The following ROR2 variants were observed in gnomAD, a reference collection of about 807,000 sequenced individuals.
The protein encoded by ROR2 is tyrosine-protein kinase transmembrane receptor ROR2.
A neutral mutation model predicts 74.9 loss-of-function variants in ROR2; 33 were observed. The observed-to-expected ratio is 0.44, with a 90% CI of 0.33 to 0.59. ROR2 has a LOEUF of 0.59. Among genes scored for constraint, ROR2 ranks in the 20% least tolerant of loss-of-function variants. ROR2 has a pLI of 0.02. For missense variants in ROR2, 1,216 were observed against 1,313.8 expected, an observed-to-expected ratio of 0.93 and a Z score of 1.15; for synonymous variants, 586 against 558.7, an observed-to-expected ratio of 1.05 and a Z score of -0.69.
chr9:91,758,466 C>A (rs1825824551), intron 2 of ROR2, among the ~76,000 whole-genome samples: 1 of 152,132 alleles, frequency 6.6e-6, no homozygotes, highest in Non-Finnish European at 1.5e-5. Context: ...CATGGACATC[C>A]CCAAACCAAG....
intron 1 of ROR2, among the ~76,000 whole-genome samples, chr9:91,927,968 A>C (rs905904563): frequency 6.6e-6 from 1 of 152,096 alleles, no homozygotes; most frequent in African/African-American, 2.4e-5. Context: ...TTGTGGCCCC[A>C]CTAGCTAGAG....
chr9:91,948,812 T>C (rs551022583), intron 1 of ROR2: 38 of 985,378 alleles, frequency 3.9e-5, no homozygotes, highest in South Asian at 4.7e-5. Context: ...CATAGGTCTC[T>C]GGCGCTCCTG....
intron 4 of ROR2, among the ~76,000 whole-genome samples, chr9:91,753,778 C>T (rs1825659889): frequency 6.6e-6 from 1 of 152,122 alleles, no homozygotes; most frequent in Non-Finnish European, 1.5e-5. Context: ...ATACTGTTAA[C>T]TAAACATGTC....
chr9:91,863,152 C>T (rs971445650), intron 1 of ROR2, among the ~76,000 whole-genome samples: 1 of 152,212 alleles, frequency 6.6e-6, no homozygotes, highest in African/African-American at 2.4e-5. Flanking sequence ...CTGGGGCAAA[C>T]AATCTGGCAG....
chr9:91,934,287 T>C (rs958306725), intron 1 of ROR2, among the ~76,000 whole-genome samples: 1 of 152,188 alleles, frequency 6.6e-6, no homozygotes, highest in Non-Finnish European at 1.5e-5. Context: ...AGCAGTCCAG[T>C]GAAAACTTAC....
intron 1 of ROR2, among the ~76,000 whole-genome samples, chr9:91,827,000 CAA>C (rs761037056): frequency 9.2e-5 from 14 of 152,144 alleles, no homozygotes; most frequent in African/African-American, 3.4e-4. Context: ...GTTTACCAGA[CAA>C]GACCATTATT....
intron 1 of ROR2, among the ~76,000 whole-genome samples, chr9:91,866,496 C>A (rs1440613917): frequency 6.7e-6 from 1 of 148,998 alleles, no homozygotes; most frequent in Non-Finnish European, 1.5e-5. Context: ...TGGCTCACTG[C>A]AACCTCCACC....
At chr9:91,854,688 G>A (rs1354996191) in intron 1 of ROR2, among the ~76,000 whole-genome samples, 2 of 152,206 alleles carry the variant, frequency 1.3e-5, no homozygotes, top group Non-Finnish European at 2.9e-5. Flanking sequence ...GCCTCTGAGA[G>A]GGCTGCAAAG....
chr9:91,948,704 G>C, intron 1 of ROR2: 1 of 985,488 alleles, frequency 1.0e-6, no homozygotes, highest in South Asian at 4.7e-5. Flanking sequence ...CGACTGTCCC[G>C]ATTCTCACCT....
At chr9:91,813,312 A>G (rs1827820837) in intron 1 of ROR2, among the ~76,000 whole-genome samples, 1 of 152,206 alleles carries the variant, frequency 6.6e-6, no homozygotes, top group African/African-American at 2.4e-5. Flanking sequence ...ATGTTTTCCC[A>G]TAACCTAAAC....
intron 1 of ROR2, among the ~76,000 whole-genome samples, chr9:91,836,843 G>T (rs888827191): frequency 6.6e-6 from 1 of 152,236 alleles, no homozygotes; most frequent in Admixed American, 6.5e-5. Context: ...CCTCAGCCAG[G>T]TGCCAGGCAG....
chr9:91,776,249 T>G (rs1826417858), intron 1 of ROR2, among the ~76,000 whole-genome samples: 2 of 152,166 alleles, frequency 1.3e-5, no homozygotes, highest in South Asian at 4.1e-4. Context: ...GGAGAATTTC[T>G]TAAGCAACTC....
intron 1 of ROR2, among the ~76,000 whole-genome samples, chr9:91,782,584 C>CAAA (rs55664591): frequency 2.8e-4 from 22 of 79,750 alleles, no homozygotes; most frequent in East Asian, 3.7e-4. Flanking sequence ...TAGCTGATAG[C>CAAA]AAAAAAAAAA....
At chr9:91,850,549 C>A (rs1829058742) in intron 1 of ROR2, among the ~76,000 whole-genome samples, 1 of 152,142 alleles carries the variant, frequency 6.6e-6, no homozygotes, top group Admixed American at 6.5e-5. Context: ...GGGCCATGAA[C>A]CCAGGTGGGT....
chr9:91,753,035 A>T (rs781004924), intron 4 of ROR2, among the ~76,000 whole-genome samples: 6 of 152,340 alleles, frequency 3.9e-5, no homozygotes, highest in Middle Eastern at 6.8e-3. Flanking sequence ...CAAAACACAA[A>T]GGAAAGTAGT....
chr9:91,863,132 T>C (rs147369199), intron 1 of ROR2, among the ~76,000 whole-genome samples: 19 of 152,302 alleles, frequency 1.2e-4, no homozygotes, highest in African/African-American at 4.3e-4. Context: ...GAATGTAAAA[T>C]GGTACAGCGC....
intron 1 of ROR2, among the ~76,000 whole-genome samples, chr9:91,944,090 A>G (rs1284451044): frequency 6.6e-6 from 1 of 152,220 alleles, no homozygotes. Context: ...GGGCAATTTC[A>G]TCATCATATG....
At chr9:91,848,724 C>T (rs1407762506) in intron 1 of ROR2, among the ~76,000 whole-genome samples, 3 of 146,364 alleles carry the variant, frequency 2.0e-5, no homozygotes, top group Non-Finnish European at 4.4e-5. Flanking sequence ...CATTGCACTC[C>T]AGGCTGGGCG....
At chr9:91,752,927 G>T (rs1271593682) in intron 4 of ROR2, among the ~76,000 whole-genome samples, 1 of 152,216 alleles carries the variant, frequency 6.6e-6, no homozygotes, top group Non-Finnish European at 1.5e-5. Context: ...GTAAATGCTA[G>T]CATCTAGCTG....
Sources: gnomAD v4.1 joint callset for allele counts (sites outside exome capture counted in the v4.1 genomes callset) on GRCh38, gnomAD v4.1.1 for gene constraint, MANE v1.5 for transcripts, NCBI Gene and HGNC (gene_info 2026-07-23, HGNC 2026-07-21) for gene names.